The following DDR2 variants were observed in gnomAD, a reference collection of about 807,000 sequenced individuals.
The protein encoded by DDR2 is discoidin domain-containing receptor 2.
DDR2 carries 27 observed loss-of-function variants against 94.9 expected under a neutral mutation model. That is an observed-to-expected ratio of 0.28 (90% CI 0.21 to 0.39). DDR2 has a LOEUF of 0.39. Among genes scored for constraint, DDR2 ranks in the 10% least tolerant of loss-of-function variants. The pLI, the probability that DDR2 is intolerant of heterozygous loss-of-function variation, is 1.00. For missense variants in DDR2, 783 were observed against 1,076.0 expected, an observed-to-expected ratio of 0.73 and a Z score of 3.81; for synonymous variants, 382 against 377.2, an observed-to-expected ratio of 1.01 and a Z score of -0.15.
rs1657905026 is a variant in DDR2, at chr1:162,655,344, G to A, written c.-58G>A. ...GAGGCCAGCTGTTTTTGAGGATCCT[G>A]CTCCACAGAGAATGCTCTGCACCCG... On this transcript the variant is annotated 5_prime_UTR_variant, in exon 2 of 18. Transcript: ENST00000367921. 6.6e-6 allele frequency: 1 copy of A among 152,212 alleles called. No individual in the cohort carries two copies. The highest frequency in any genetic ancestry group is 1.5e-5 in the Non-Finnish European group (1 of 68,058). The allele number at this position is 152,212 out of a possible 1,614,324, so 9.4% of individuals were successfully genotyped here. A position where few individuals can be genotyped will look rare whatever the true frequency, so the allele number is the denominator to read the frequency against.
In DDR2 at chr1:162,755,185, C is replaced by G; in HGVS notation, c.447C>G (p.Asp149Glu). ...TGGATGGAAATAGTAACCCCTATGA[C>G]ATTTTCCTAAAGGACTTGGAGCCGC... ...QVLDGNSNPY[D>E]IFLKDLEPPI... Residue 149 changes from aspartate (D) to glutamate (E), a missense_variant, in exon 6 of 18, where the codon GAC (aspartate) becomes GAG (glutamate). By Grantham distance (45) the Asp-to-Glu change is conservative. This residue lies in a region of DDR2 where 519 missense variants were observed against 647.9 expected (regional missense o/e 0.80). Coordinates refer to ENST00000367921, the MANE Select transcript of DDR2 (RefSeq NM_006182.4). 1.9e-6 allele frequency: 3 copies of G among 1,614,106 alleles called. No individual in the cohort carries two copies. Among genetic ancestry groups the G allele is most frequent in the Non-Finnish European group, 2.5e-6 (3 of 1,180,010 alleles).
intron 12 of DDR2, among the ~76,000 whole-genome samples, chr1:162,771,184 CAG>C (rs1240525930): frequency 6.6e-6 from 1 of 152,136 alleles, no homozygotes; most frequent in Non-Finnish European, 1.5e-5. Flanking sequence ...AAAAATGATG[CAG>C]AGTCATATCA....
chr1:162,766,889 G>C (rs553241215), intron 10 of DDR2, among the ~76,000 whole-genome samples: 59 of 151,998 alleles, frequency 3.9e-4, no homozygotes, highest in Non-Finnish European at 8.8e-5. Context: ...AAAATTAGCC[G>C]GGCGTAGTGG....
intron 3 of DDR2, among the ~76,000 whole-genome samples, chr1:162,739,177 C>A (rs1662461550): frequency 7.4e-6 from 1 of 135,462 alleles, no homozygotes. Context: ...AGGCAACCTA[C>A]AACATGGGAG....
rs980129812 is a variant in DDR2, at chr1:162,658,598, G to A, written c.-28+3224G>A. 2.7e-5 allele frequency among the ~76,000 whole-genome samples: 4 copies of A among 149,680 alleles called. No homozygotes were observed. The East Asian group carries it at 7.8e-4, about 29-fold the overall frequency. ...AGTCCCAGCACTTTGGGAGGCCGAG[G>A]AGGAAGGATCACTTGAGCCAGGTTG... On this transcript the variant is annotated intron_variant, in intron 2 of 17. Coordinates refer to ENST00000367921, the MANE Select transcript of DDR2 (RefSeq NM_006182.4).
Position 162,638,170 on chromosome 1 carries a change from G to C in DDR2, c.-192+5539G>C, listed in dbSNP as rs991013988. ...TGAGTAGCTGGGATTACAGACACCCGCCACCAAGCCCAGCAAATTTTTGTA... is the reference window on the plus strand; with the variant it reads ...TGAGTAGCTGGGATTACAGACACCCCCCACCAAGCCCAGCAAATTTTTGTA... On this transcript the variant is annotated intron_variant, in intron 1 of 17. Coordinates refer to ENST00000367921, the MANE Select transcript of DDR2 (RefSeq NM_006182.4). Among the ~76,000 whole-genome samples, 9 of 151,974 alleles carry C rather than the reference G, an allele frequency of 5.9e-5. 1 individual carries two copies. The highest frequency in any genetic ancestry group is 5.9e-4 in the Admixed American group (9 of 15,260).
Position 162,660,997 on chromosome 1 carries a change from A to G in DDR2, c.-28+5623A>G, listed in dbSNP as rs148080685. Among the ~76,000 whole-genome samples the G allele has an allele frequency of 5.2e-3, 791 of 152,326 alleles. 5 individuals are homozygous for G. The highest frequency in any genetic ancestry group is 0.018 in the African/African-American group (757 of 41,570). ...GTGACTCTAAATATTTCCTTAAAGA[A>G]TCAAATAGCTATACTCTCTTGCCCC... is the stretch of plus-strand genomic sequence containing the variant. On this transcript the variant is annotated intron_variant, in intron 2 of 17. Transcript: ENST00000367921.
At chr1:162,737,159 A>ATT (rs34908304) in intron 3 of DDR2, among the ~76,000 whole-genome samples, 1 of 143,440 alleles carries the variant, frequency 7.0e-6, no homozygotes, top group African/African-American at 2.6e-5. Flanking sequence ...TTTTGGAATA[A>ATT]TTTTTTTTTT....
chr1:162,665,231 AGTGGATCGGG>A (rs1197107811), intron 2 of DDR2, among the ~76,000 whole-genome samples: 5 of 152,318 alleles, frequency 3.3e-5, no homozygotes, highest in African/African-American at 1.2e-4. Flanking sequence ...AACATCATAA[AGTGGATCGGG>A]AGCCTCTTTT....
intron 3 of DDR2, among the ~76,000 whole-genome samples, chr1:162,730,723 C>A (rs1300138129): frequency 1.3e-5 from 2 of 152,160 alleles, no homozygotes; most frequent in Non-Finnish European, 2.9e-5. Flanking sequence ...TGCTCTCTTT[C>A]CTCACCAGGT....
At chr1:162,677,118 C>T (rs1659167531) in intron 2 of DDR2, among the ~76,000 whole-genome samples, 2 of 152,118 alleles carry the variant, frequency 1.3e-5, no homozygotes, top group African/African-American at 4.8e-5. Flanking sequence ...TGAGCTGGAT[C>T]CCAGGAGCAC....
intron 3 of DDR2, among the ~76,000 whole-genome samples, chr1:162,725,726 CAG>C (rs1661631712): frequency 6.6e-6 from 1 of 152,194 alleles, no homozygotes; most frequent in Non-Finnish European, 1.5e-5. Context: ...AATGTCAGGG[CAG>C]AGGAAACCCA....
At chr1:162,640,724 A>G (rs1657087709) in intron 1 of DDR2, among the ~76,000 whole-genome samples, 1 of 152,226 alleles carries the variant, frequency 6.6e-6, no homozygotes, top group Non-Finnish European at 1.5e-5. Context: ...TATTAAAGCT[A>G]CCTGAGGCAG....
At position 162,755,833 on chromosome 1, in the gene DDR2, A is replaced by C. The variant is rs1025246633; in HGVS notation, c.671+64A>C. The C allele has an allele frequency of 3.8e-6, 5 of 1,328,666 alleles. No individual in the cohort carries two copies. In the African/African-American group the frequency reaches 7.2e-5, roughly 19 times the overall value. The allele number at this position is 1,328,666 out of a possible 1,614,324, so 82.3% of individuals were successfully genotyped here. ...CACTAAGAAAGAATAATATTTTATC[A>C]TGTCTTGGGATCAATAATCAATCAA... On this transcript the variant is annotated intron_variant, in intron 7 of 17. Transcript: ENST00000367921.
At chr1:162,687,420 G>C (rs1338961716) in intron 2 of DDR2, among the ~76,000 whole-genome samples, 1 of 152,196 alleles carries the variant, frequency 6.6e-6, no homozygotes, top group Non-Finnish European at 1.5e-5. Context: ...AACGTTGAGA[G>C]CTTGCTTATC....
chr1:162,775,555 G>T (rs990981593), intron 14 of DDR2, 97 bp from the exon 15 acceptor site: 1 of 1,321,638 alleles, frequency 7.6e-7, no homozygotes. Flanking sequence ...ACAAGATTTG[G>T]CATAATGTCC....
At position 162,772,146 on chromosome 1, in the gene DDR2, G is replaced by T. The variant is rs55973200; in HGVS notation, c.1627G>T (p.Val543Phe). 9.9e-6 allele frequency: 16 copies of T among 1,614,188 alleles called. No individual in the cohort carries two copies. Among genetic ancestry groups the T allele is most frequent in the Non-Finnish European group, 1.4e-5 (16 of 1,180,030 alleles). The change falls in exon 13 of 18, where the codon GTC becomes TTC. Residue 543 changes from valine (V) to phenylalanine (F), a missense_variant. Val to Phe is a conservative substitution (Grantham distance 50). Around this residue, in one of 2 missense-constraint regions of DDR2, gnomAD observed 264 missense variants for 428.2 expected, o/e 0.62. Coordinates refer to ENST00000367921, the MANE Select transcript of DDR2 (RefSeq NM_006182.4). ...AGGCAACACATACTCAGTGCCTGCC[G>T]TCACCATGGACCTGCTCTCAGGAAA... ...TGGNTYSVPA[V>F]TMDLLSGKDV...
chr1:162,670,046 A>G (rs1203309827), intron 2 of DDR2, among the ~76,000 whole-genome samples: 1 of 152,250 alleles, frequency 6.6e-6, no homozygotes, highest in Non-Finnish European at 1.5e-5. Context: ...CTAAAGGTTA[A>G]AAAGGTTTAA....
intron 11 of DDR2, among the ~76,000 whole-genome samples, chr1:162,770,010 G>A (rs1179817670): frequency 6.6e-6 from 1 of 152,122 alleles, no homozygotes; most frequent in African/African-American, 2.4e-5. Flanking sequence ...TTTGGCTACT[G>A]ATGGGTTCTT....
Sources: allele counts gnomAD v4.1 joint callset (sites outside exome capture counted in the v4.1 genomes callset), GRCh38; gene constraint gnomAD v4.1.1; regional missense constraint gnomAD v4.1.1; transcripts MANE v1.5; gene names NCBI Gene and HGNC (gene_info 2026-07-23, HGNC 2026-07-21).